ZDHHC7: variants seen among roughly 807,000 people sequenced by gnomAD.
The protein encoded by ZDHHC7 is palmitoyltransferase ZDHHC7.
A neutral mutation model predicts 34.1 loss-of-function variants in ZDHHC7; 12 were observed. The observed-to-expected ratio is 0.35, with a 90% confidence interval of 0.23 to 0.57. The LOEUF is 0.57. Among genes scored for constraint, ZDHHC7 ranks in the 20% least tolerant of loss-of-function variants. The pLI, the probability that ZDHHC7 is intolerant of heterozygous loss-of-function variation, is 0.84. For synonymous variants in ZDHHC7, 185 were observed against 155.4 expected, an observed-to-expected ratio of 1.19 and a Z score of -1.42; for missense variants, 388 against 402.7, an observed-to-expected ratio of 0.96 and a Z score of 0.31.
chr16:84,998,749 C>CTTTTT (rs71151260), intron 1 of ZDHHC7, among the ~76,000 whole-genome samples: 14 of 112,532 alleles, frequency 1.2e-4, no homozygotes, highest in East Asian at 5.3e-4. Flanking sequence ...CCTTCTGAAC[C>CTTTTT]TTTTTTTTTT....
At chr16:84,984,538 C>T (rs752138308) in intron 3 of ZDHHC7, among the ~76,000 whole-genome samples, 3 of 152,240 alleles carry the variant, frequency 2.0e-5, no homozygotes, top group South Asian at 2.1e-4. Context: ...CGATGTGGCA[C>T]GATACACTTC....
chr16:85,012,064 G>T (rs62048404), upstream of ZDHHC7, among the ~76,000 whole-genome samples: 1,967 of 152,296 alleles, frequency 0.013, 37 homozygotes, highest in African/African-American at 0.038. Flanking sequence ...CATATAGGAA[G>T]CCCTAAGTGT....
At chr16:84,982,073 T>G (rs2072377448) in intron 3 of ZDHHC7, 79 bp from the exon 4 acceptor site, 1 of 1,573,820 alleles carries the variant, frequency 6.4e-7, no homozygotes, top group African/African-American at 1.4e-5. Context: ...GGGTCACACC[T>G]GTAATCCCAG....
At chr16:85,018,346 G>A in the ZDHHC7 span, among the ~76,000 whole-genome samples, 3 of 152,304 alleles carry the variant, frequency 2.0e-5, no homozygotes, top group Admixed American at 6.5e-5. Flanking sequence ...GGAAGGGAGC[G>A]TGGGGGGCAG....
rs116337279 is a variant in ZDHHC7, at chr16:84,998,366, C to T, written c.-103-2359G>A. ...GGAGAAAAGGGCGCAAGCAGATCTC[C>T]TTGTGGTAGGTTTCGGCTCTGGCTT... On this transcript the variant is annotated intron_variant, in intron 1 of 7. Transcript: ENST00000313732. Among the ~76,000 whole-genome samples, 276 of 152,216 alleles carry T rather than the reference C, an allele frequency of 1.8e-3. 1 individual carries two copies. Among genetic ancestry groups the T allele is most frequent in the African/African-American group, 6.5e-3 (268 of 41,534 alleles).
chr16:84,994,206 C>G (rs1395353104), intron 2 of ZDHHC7, among the ~76,000 whole-genome samples: 2 of 152,250 alleles, frequency 1.3e-5, no homozygotes, highest in African/African-American at 4.8e-5. Context: ...GCCTTGCATG[C>G]TGTCTGGCGC....
At chr16:84,981,634 G>A (rs2072369353) in intron 4 of ZDHHC7, among the ~76,000 whole-genome samples, 1 of 152,218 alleles carries the variant, frequency 6.6e-6, no homozygotes, top group East Asian at 1.9e-4. Context: ...CCTCGGGAAG[G>A]AGGGGATCCC....
chr16:84,994,918 G>C (rs2072556743), intron 2 of ZDHHC7, among the ~76,000 whole-genome samples: 1 of 152,182 alleles, frequency 6.6e-6, no homozygotes, highest in African/African-American at 2.4e-5. Context: ...TCGTGTCTCT[G>C]AGTCACTGTA....
chr16:85,004,834 G>GGTTCACCACGCACTCC (rs1196556605), intron 1 of ZDHHC7: 1 of 152,146 alleles, frequency 6.6e-6, no homozygotes, highest in Non-Finnish European at 1.5e-5. Context: ...AGGCCCAAAG[G>GGTTCACCACGCACTCC]AGCCTGGCAG....
Position 84,974,215 on chromosome 16 carries a change from TAAAA to T in ZDHHC7, c.*2124_*2127del, listed in dbSNP as rs1386940973. 1 of 152,114 alleles carries T rather than the reference TAAAA, an allele frequency of 6.6e-6. No homozygotes were observed. The highest frequency in any genetic ancestry group is 1.9e-4 in the East Asian group (1 of 5,198). The allele number at this position is 152,114 out of a possible 1,614,324, so 9.4% of individuals were successfully genotyped here. On this transcript the variant is annotated 3_prime_UTR_variant, in exon 8 of 8. Transcript: ENST00000313732. Reference sequence around the variant, plus strand: ...ACATTGTTTTTATTTCAACGTGCACTAAAAAAAGGACTAAGTAAAACGATGGGAG... The same window carrying T: ...ACATTGTTTTTATTTCAACGTGCACTAAAGGACTAAGTAAAACGATGGGAG...
intron 1 of ZDHHC7, among the ~76,000 whole-genome samples, chr16:85,004,539 C>A (rs936158287): frequency 6.6e-6 from 1 of 151,928 alleles, no homozygotes; most frequent in East Asian, 1.9e-4. Context: ...CACCCCACCC[C>A]CCACTCCACC....
intron 1 of ZDHHC7, among the ~76,000 whole-genome samples, chr16:85,000,996 A>G (rs1265828813): frequency 5.9e-5 from 9 of 152,210 alleles, no homozygotes. Context: ...TGGACAAGAG[A>G]GGACAATCAT....
intron 3 of ZDHHC7, among the ~76,000 whole-genome samples, chr16:84,984,476 G>A (rs752843841): frequency 1.3e-5 from 2 of 152,128 alleles, no homozygotes; most frequent in South Asian, 2.1e-4. Context: ...TCCAAACACC[G>A]TAATTTTATG....
the ZDHHC7 span, among the ~76,000 whole-genome samples, chr16:85,027,565 C>T: frequency 6.6e-6 from 1 of 152,240 alleles, no homozygotes; most frequent in Non-Finnish European, 1.5e-5. Flanking sequence ...CTAAGCAGAG[C>T]CAGCAAGGGG....
intron 3 of ZDHHC7, 35 bp downstream of exon 3, chr16:84,990,269 C>T (rs758174044): frequency 1.2e-6 from 2 of 1,601,760 alleles, no homozygotes; most frequent in Non-Finnish European, 1.7e-6. Flanking sequence ...AGACCAGACA[C>T]AAGAGAGCCA....
intron 1 of ZDHHC7, among the ~76,000 whole-genome samples, chr16:84,998,048 C>G (rs1387928248): frequency 6.7e-6 from 1 of 150,062 alleles, no homozygotes; most frequent in East Asian, 2.0e-4. Context: ...ATCACGAGAT[C>G]AGGAGATCGA....
At chr16:84,996,837 G>A (rs2143684060) in intron 1 of ZDHHC7, among the ~76,000 whole-genome samples, 1 of 152,192 alleles carries the variant, frequency 6.6e-6, no homozygotes, top group East Asian at 1.9e-4. Context: ...GACCAGCCTG[G>A]CCAAGATGGT....
the ZDHHC7 span, among the ~76,000 whole-genome samples, chr16:85,021,206 GATGGAGA>G: frequency 1.2e-4 from 19 of 152,084 alleles, no homozygotes; most frequent in Non-Finnish European, 2.9e-5. Flanking sequence ...AAGGTCAAGA[GATGGAGA>G]CCATCCTGGC....
At chr16:85,008,088 C>T (rs1203694211) in intron 1 of ZDHHC7, among the ~76,000 whole-genome samples, 7 of 152,052 alleles carry the variant, frequency 4.6e-5, no homozygotes, top group African/African-American at 1.7e-4. Flanking sequence ...CGCACTCCAG[C>T]CTGGGCAAAA....
Sources: allele counts gnomAD v4.1 joint callset (sites outside exome capture counted in the v4.1 genomes callset), GRCh38; gene constraint gnomAD v4.1.1; transcripts MANE v1.5; gene names NCBI Gene and HGNC (gene_info 2026-07-23, HGNC 2026-07-21).